The following TMEM94 variants were observed in gnomAD, a reference collection of about 807,000 sequenced individuals.
TMEM94 encodes the protein ER Mg2+ ATPase.
In TMEM94, 81 loss-of-function variants were observed where a neutral mutation model predicts 158.6. The ratio of observed to expected loss-of-function variants is 0.51; its 90% CI spans 0.43 to 0.61. The LOEUF (loss-of-function observed/expected upper bound fraction) is 0.61. TMEM94 is among the 20% of genes least tolerant of loss of function. The pLI, the probability that TMEM94 is intolerant of heterozygous loss-of-function variation, is 0.00. For synonymous variants in TMEM94, 751 were observed against 730.7 expected (o/e 1.03, Z -0.45); for missense variants, 1,435 against 1,762.0 (o/e 0.81, Z 3.32).
chr17:75,488,953 G>A (rs769982270), intron 7 of TMEM94, 43 bp downstream of exon 7: 50 of 1,521,424 alleles, frequency 3.3e-5, no homozygotes, highest in Admixed American at 8.7e-5. Context: ...GGTGTCTTCT[G>A]TGAAGAGGGG....
In TMEM94 at chr17:75,492,962, A is replaced by C. The variant is rs2052350007; in HGVS notation, c.1946A>C (p.Gln649Pro). The C allele has an allele frequency of 9.3e-6, 15 of 1,613,458 alleles. No individual in the cohort carries two copies. The highest frequency in any genetic ancestry group is 1.3e-5 in the African/African-American group (1 of 74,938). The change falls in exon 16 of 32, where the codon CAG becomes CCG. Residue 649 changes from glutamine to proline, a missense_variant. Gln to Pro is a moderately conservative substitution (Grantham distance 76). Around this residue, in one of 3 missense-constraint regions of TMEM94, gnomAD observed 1,051 missense variants for 1,254.4 expected, o/e 0.84. Coordinates refer to ENST00000314256, the MANE Select transcript of TMEM94 (RefSeq NM_014738.6). The surrounding 1 kb of genome is among the most constrained non-coding windows in gnomAD (Gnocchi z 4.4). ...FTPGAKELFK[Q>P]ENHLALYRLP... Reference sequence around the variant, plus strand: ...CCTGGGGCCAAGGAGCTTTTCAAGCAGGAGAACCATCTGGCGCTGTACCGC... The same window carrying C: ...CCTGGGGCCAAGGAGCTTTTCAAGCCGGAGAACCATCTGGCGCTGTACCGC...
intron 1 of TMEM94, among the ~76,000 whole-genome samples, chr17:75,463,160 ATGTGTGTGTGTGTG>A (rs66559909): frequency 5.5e-5 from 1 of 18,088 alleles, no homozygotes; most frequent in Admixed American, 2.9e-4. Context: ...ACGTATATAT[ATGTGTGTGTGTGTG>A]TGTGTATATA....
intron 1 of TMEM94, among the ~76,000 whole-genome samples, chr17:75,458,717 G>A (rs2049969435): frequency 6.6e-6 from 1 of 150,572 alleles, no homozygotes; most frequent in South Asian, 2.1e-4. Context: ...AAAGAGTCAT[G>A]GAATCAAAAA....
In TMEM94 at chr17:75,489,143, G is replaced by A. The variant is rs1303518631; in HGVS notation, c.765-123G>A. ...ACACGGGCTAGGGCCAGGGCAGAGC[G>A]TGGAACTGCAGGACTCACGGTGCTT... On this transcript the variant is annotated intron_variant, in intron 7 of 31. Coordinates refer to ENST00000314256, the MANE Select transcript of TMEM94 (RefSeq NM_014738.6). The surrounding 1 kb of genome is among the most constrained non-coding windows in gnomAD (Gnocchi z 5.0). 7.9e-6 allele frequency: 8 copies of A among 1,010,090 alleles called. No homozygotes were observed. The highest frequency in any genetic ancestry group is 6.2e-5 in the Admixed American group (3 of 48,204). 62.6% of individuals were successfully genotyped at this position (1,010,090 alleles called of 1,614,324 possible). A position where few individuals can be genotyped will look rare whatever the true frequency, so the allele number is the denominator to read the frequency against.
In TMEM94 at chr17:75,499,737, G is replaced by A; in HGVS notation, c.*403G>A. Reference sequence around the variant, plus strand: ...GCCTTGAAGCCAACCTTCTTTGGAGGAGCAACAGCAGCAGCCTTGGCCGAC... The same window carrying A: ...GCCTTGAAGCCAACCTTCTTTGGAGAAGCAACAGCAGCAGCCTTGGCCGAC... On this transcript the variant is annotated 3_prime_UTR_variant, in exon 32 of 32. Transcript: ENST00000314256. 1 of 182,348 alleles carries A rather than the reference G, an allele frequency of 5.5e-6. No individual in the cohort carries two copies. The highest frequency in any genetic ancestry group is 1.2e-5 in the Non-Finnish European group (1 of 85,594). 11.3% of individuals were successfully genotyped at this position (182,348 alleles called of 1,614,324 possible).
At chr17:75,479,092 C>A (rs1163503289) in intron 2 of TMEM94, among the ~76,000 whole-genome samples, 4 of 152,182 alleles carry the variant, frequency 2.6e-5, no homozygotes, top group Non-Finnish European at 5.9e-5. Flanking sequence ...AGCCCACTCA[C>A]CCACCAACCC....
At chr17:75,471,604 C>T (rs901375238) in intron 1 of TMEM94, among the ~76,000 whole-genome samples, 196 bp from the exon 2 acceptor site, 2 of 151,972 alleles carry the variant, frequency 1.3e-5, no homozygotes, top group African/African-American at 4.8e-5. Context: ...GCCTGTCATC[C>T]CAGCTACTCG....
chr17:75,486,072 AG>A, intron 4 of TMEM94, 74 bp downstream of exon 4: 1 of 1,507,514 alleles, frequency 6.6e-7, no homozygotes, highest in Non-Finnish European at 8.9e-7. Flanking sequence ...GGGACAGACC[AG>A]GGCTCTTGGG....
In TMEM94 at chr17:75,486,416, C is replaced by T. The variant is rs755893396; in HGVS notation, c.399C>T (p.Asp133=). ...AGCGGAGGCTGCGAGGGATCATTGACCAAATCCAAGGTGAGGTCAAGGGCA... is the reference window on the plus strand; with the variant it reads ...AGCGGAGGCTGCGAGGGATCATTGATCAAATCCAAGGTGAGGTCAAGGGCA... ...EVERRLRGII[D]QIQDALRDGR... The change falls in exon 5 of 32, where the codon GAC becomes GAT. Residue 133 remains aspartate (D), a synonymous_variant. Transcript: ENST00000314256. 18 of 1,614,204 alleles carry T rather than the reference C, an allele frequency of 1.1e-5. No homozygotes were observed. In the East Asian group the frequency reaches 1.6e-4, roughly 14 times the overall value.
At chr17:75,482,117 C>T (rs1185454023) in intron 2 of TMEM94, among the ~76,000 whole-genome samples, 1 of 151,774 alleles carries the variant, frequency 6.6e-6, no homozygotes, top group African/African-American at 2.4e-5. Context: ...CCAAGGCGGG[C>T]AGATTGCCTG....
At position 75,487,573 on chromosome 17, in the gene TMEM94, TGTCTC is replaced by T. The variant is rs1451435868; in HGVS notation, c.410-358_410-354del. On this transcript the variant is annotated intron_variant, in intron 5 of 31. Coordinates refer to ENST00000314256, the MANE Select transcript of TMEM94 (RefSeq NM_014738.6). The surrounding 1 kb of genome is among the most constrained non-coding windows in gnomAD (Gnocchi z 4.6). ...CCTTGTTTGGCGTTATCTGTCCACA[TGTCTC>T]ATCTGCCCCACTGGGTTGTGGCTCC... 2.0e-5 allele frequency among the ~76,000 whole-genome samples: 3 copies of T among 152,214 alleles called. No individual in the cohort carries two copies. Among genetic ancestry groups the T allele is most frequent in the Non-Finnish European group, 4.4e-5 (3 of 68,030 alleles).
In TMEM94 at chr17:75,471,303, C is replaced by T. The variant is rs182089868; in HGVS notation, c.-106-497C>T. On this transcript the variant is annotated intron_variant, in intron 1 of 31. Coordinates refer to ENST00000314256, the MANE Select transcript of TMEM94 (RefSeq NM_014738.6). ...AAGGGTGAAAGAGAGAAAGTTTGTA[C>T]CCCTCCAGAATCCTCTCTGTAGCCC... Among the ~76,000 whole-genome samples the T allele has an allele frequency of 3.3e-5, 5 of 151,204 alleles. No individual in the cohort carries two copies. The South Asian group carries it at 1.1e-3, about 32-fold the overall frequency.
Position 75,498,651 on chromosome 17 carries a change from G to A in TMEM94, c.3756G>A (p.Val1252=). ...CAGTCTTCATTTCCATCACCCATGTGCATCGCACCAAGCCCCTGTGGAGAA... is the reference window on the plus strand; with the variant it reads ...CAGTCTTCATTTCCATCACCCATGTACATCGCACCAAGCCCCTGTGGAGAA... ...LHTVFISITH[V]HRTKPLWRKS... The change falls in exon 30 of 32, where the codon GTG becomes GTA. Residue 1252 remains valine, a synonymous_variant. Transcript: ENST00000314256. The surrounding 1 kb of genome is among the most constrained non-coding windows in gnomAD (Gnocchi z 6.7). 6.2e-7 allele frequency: 1 copy of A among 1,608,002 alleles called. No individual in the cohort carries two copies. Among genetic ancestry groups the A allele is most frequent in the Non-Finnish European group, 8.5e-7 (1 of 1,176,804 alleles).
rs200703422 is a variant in TMEM94, at chr17:75,488,115, C to T, written c.593C>T (p.Ala198Val). 2.0e-5 allele frequency: 32 copies of T among 1,614,078 alleles called. No homozygotes were observed. The highest frequency in any genetic ancestry group is 8.3e-5 in the Admixed American group (5 of 60,004). The change falls in exon 6 of 32, where the codon GCT becomes GTT. Residue 198 changes from alanine (A) to valine (V), a missense_variant. This residue lies in a region of TMEM94 where 1,051 missense variants were observed against 1,254.4 expected (regional missense o/e 0.84). Coordinates refer to ENST00000314256, the MANE Select transcript of TMEM94 (RefSeq NM_014738.6). ...TTGAGGCCTGGCCAGGAATCGTTTG[C>T]TTCTCTGAGGGGGATCAAGGTAGCT... ...IALRPGQESF[A>V]SLRGIKDDEH...
rs2052604703 is a variant in TMEM94, at chr17:75,495,606, C to T, written c.2907C>T (p.Pro969=). Residue 969 remains proline, a synonymous_variant, in exon 22 of 32, where the codon CCC becomes CCT. Coordinates refer to ENST00000314256, the MANE Select transcript of TMEM94 (RefSeq NM_014738.6). The surrounding 1 kb of genome is among the most constrained non-coding windows in gnomAD (Gnocchi z 5.6). Reference sequence around the variant, plus strand: ...ACCTGCAGAACATTGACAACGTGCCCCTGCTAGTGCCCCTTTTCACCGACT... The same window carrying T: ...ACCTGCAGAACATTGACAACGTGCCTCTGCTAGTGCCCCTTTTCACCGACT... The part of the protein sequence containing the change: ...RPHLQNIDNV[P]LLVPLFTDCT... 6.2e-7 allele frequency: 1 copy of T among 1,613,590 alleles called. No homozygotes were observed. The highest frequency in any genetic ancestry group is 1.1e-5 in the South Asian group (1 of 91,084).
At chr17:75,458,316 T>A (rs1284577188) in intron 1 of TMEM94, among the ~76,000 whole-genome samples, 1 of 152,060 alleles carries the variant, frequency 6.6e-6, no homozygotes, top group African/African-American at 2.4e-5. Flanking sequence ...GAAGAGCTGA[T>A]CTTGGTATTC....
At chr17:75,465,679 A>ATTTTTTT (rs66618031) in intron 1 of TMEM94, among the ~76,000 whole-genome samples, 2 of 124,840 alleles carry the variant, frequency 1.6e-5, no homozygotes, top group African/African-American at 7.0e-5. Flanking sequence ...ATATATATAT[A>ATTTTTTT]TTTTTTTTTA....
At chr17:75,490,965 C>T in intron 11 of TMEM94, 84 bp from the exon 12 acceptor site, 1 of 1,177,904 alleles carries the variant, frequency 8.5e-7, no homozygotes, top group Non-Finnish European at 1.2e-6. Context: ...TCGTGGTGCT[C>T]CCCTGGATTT....
chr17:75,463,028 AAAAAAAAAAATAT>A (rs1240816056), intron 1 of TMEM94, among the ~76,000 whole-genome samples: 2 of 11,650 alleles, frequency 1.7e-4, no homozygotes, highest in Non-Finnish European at 3.3e-4. Flanking sequence ...AAAAAAAAAA[AAAAAAAAAAATAT>A]ATATATATAT....
Sources: gnomAD v4.1 joint callset for allele counts (sites outside exome capture counted in the v4.1 genomes callset) on GRCh38, gnomAD v4.1.1 for gene constraint, gnomAD v4.1.1 regional missense constraint, Gnocchi (gnomAD v3.1) non-coding constraint, MANE v1.5 for transcripts, NCBI Gene and HGNC (gene_info 2026-07-23, HGNC 2026-07-21) for gene names.